The following NUP98 variants were observed in gnomAD, a reference collection of about 807,000 sequenced individuals.
The protein encoded by NUP98 is nuclear pore complex protein Nup98-Nup96.
A neutral mutation model predicts 191.9 loss-of-function variants in NUP98; 26 were observed. The observed-to-expected ratio is 0.14, with a 90% CI of 0.10 to 0.19. The LOEUF (loss-of-function observed/expected upper bound fraction) is 0.19. NUP98 is among the 10% of genes least tolerant of loss of function. NUP98 has a pLI of 1.00. For missense variants in NUP98, 1,941 were observed against 2,178.8 expected (o/e 0.89, Z 2.17); for synonymous variants, 808 against 778.4 (o/e 1.04, Z -0.63).
At chr11:3,754,153 G>A (rs1280661078) in intron 10 of NUP98, among the ~76,000 whole-genome samples, 8 of 152,280 alleles carry the variant, frequency 5.3e-5, no homozygotes, top group African/African-American at 1.7e-4. Context: ...AACTGGCCAG[G>A]TGTGGTGGCT....
intron 1 of NUP98, among the ~76,000 whole-genome samples, chr11:3,790,026 G>A (rs558161213): frequency 2.0e-5 from 3 of 152,164 alleles, no homozygotes; most frequent in African/African-American, 2.4e-5. Flanking sequence ...CTCGTGATCC[G>A]CCCACCTCAG....
rs758467022 is a variant in NUP98 at position 3,725,155 on chromosome 11, G to C, written c.1795C>G (p.Arg599Gly). 1.2e-6 allele frequency: 2 copies of C among 1,601,318 alleles called. No individual in the cohort carries two copies. Among genetic ancestry groups the C allele is most frequent in the South Asian group, 1.1e-5 (1 of 90,654 alleles). ...GGTGAAGCTAGATTTTCTGAATCACGATTAACAGGAGAAAAGAGATTGCTA... is the reference window on the plus strand; with the variant it reads ...GGTGAAGCTAGATTTTCTGAATCACCATTAACAGGAGAAAAGAGATTGCTA... Reference protein sequence around the residue: ...NNSNLFSPVNRDSENLASPSE... With the variant: ...NNSNLFSPVNGDSENLASPSE... Residue 599 changes from arginine to glycine, a missense_variant, in exon 15 of 33, where the codon CGT (arginine) becomes GGT (glycine). Physicochemically the swap from Arg to Gly is moderately radical, Grantham distance 125. This residue lies in a region of NUP98 where 453 missense variants were observed against 438.2 expected (regional missense o/e 1.03). Transcript: ENST00000324932.
At chr11:3,701,634 A>T (rs970873658) in intron 23 of NUP98, among the ~76,000 whole-genome samples, 45 of 151,970 alleles carry the variant, frequency 3.0e-4, no homozygotes, top group African/African-American at 1.0e-3. Flanking sequence ...GTTTAGGATC[A>T]GTATTCTTAA....
rs369460933 is a variant in NUP98 at position 3,782,451 on chromosome 11, T to G, written c.-28-306A>C. On this transcript the variant is annotated intron_variant, in intron 1 of 32. Transcript: ENST00000324932. ...TTTTTAACCTAAGTCCCCTTTTTAA[T>G]CAATAAATATTTCAGGTCTACAAGG... 4.5e-3 allele frequency among the ~76,000 whole-genome samples: 690 copies of G among 151,870 alleles called. 4 individuals are homozygous for G. The highest frequency in any genetic ancestry group is 0.016 in the African/African-American group (645 of 41,436).
At chr11:3,689,201 C>A (rs1482916446) in intron 28 of NUP98, among the ~76,000 whole-genome samples, 1 of 152,082 alleles carries the variant, frequency 6.6e-6, no homozygotes, top group Non-Finnish European at 1.5e-5. Context: ...CCACTGCACA[C>A]CAGCCCGGGT....
chr11:3,739,199 T>C (rs1262239696), intron 12 of NUP98, among the ~76,000 whole-genome samples: 1 of 152,170 alleles, frequency 6.6e-6, no homozygotes, highest in Non-Finnish European at 1.5e-5. Context: ...TACAATAATT[T>C]ATGCTACCAC....
At chr11:3,703,120 T>C (rs1332310321) in intron 22 of NUP98, among the ~76,000 whole-genome samples, 1 of 151,796 alleles carries the variant, frequency 6.6e-6, no homozygotes, top group African/African-American at 2.4e-5. Context: ...TCTACAACAA[T>C]AATAAAAGCA....
chr11:3,797,308 G>GA, intron 1 of NUP98, 92 bp downstream of exon 1: 1 of 398,454 alleles, frequency 2.5e-6, no homozygotes, highest in East Asian at 3.6e-5. Flanking sequence ...CTTCGAAGCG[G>GA]AGAGGCCCTG....
chr11:3,759,822 CTTCTATTATTT>C (rs1368723228), intron 10 of NUP98, among the ~76,000 whole-genome samples: 1 of 151,882 alleles, frequency 6.6e-6, no homozygotes, highest in Non-Finnish European at 1.5e-5. Context: ...TTTCAACTTT[CTTCTATTATTT>C]TTCTTATTTT....
At chr11:3,780,541 C>CAAAAAAAA (rs142060672) in intron 2 of NUP98, among the ~76,000 whole-genome samples, 3 of 74,794 alleles carry the variant, frequency 4.0e-5, no homozygotes, top group Admixed American at 1.9e-4. Flanking sequence ...GACTCCATCT[C>CAAAAAAAA]AAAAAAAAAA....
intron 10 of NUP98, among the ~76,000 whole-genome samples, chr11:3,756,276 T>C (rs1481253302): frequency 6.6e-6 from 1 of 152,212 alleles, no homozygotes; most frequent in Non-Finnish European, 1.5e-5. Context: ...TTACACTGTT[T>C]ATACCACACA....
chr11:3,776,794 A>G (rs892658569), intron 4 of NUP98, among the ~76,000 whole-genome samples: 1 of 62 alleles, frequency 0.016, no homozygotes, highest in Non-Finnish European at 0.033. Flanking sequence ...GCCCGGCCCA[A>G]ATAGAAATTC....
At chr11:3,727,555 T>C (rs1332997881) in intron 14 of NUP98, among the ~76,000 whole-genome samples, 8 of 150,874 alleles carry the variant, frequency 5.3e-5, no homozygotes, top group Admixed American at 2.6e-4. Flanking sequence ...GCAACTGGGG[T>C]TGGGGGTAGA....
chr11:3,679,918 T>C (rs900813108), intron 30 of NUP98: 6 of 583,616 alleles, frequency 1.0e-5, no homozygotes, highest in Non-Finnish European at 1.8e-5. Flanking sequence ...CACAAATTTT[T>C]TGGTTTTCCA....
At chr11:3,693,466 AG>A in intron 26 of NUP98, 91 bp from the exon 27 acceptor site, 1 of 1,267,162 alleles carries the variant, frequency 7.9e-7, no homozygotes, top group South Asian at 1.4e-5. Flanking sequence ...CACTTATTCA[AG>A]GAACATTTTA....
intron 25 of NUP98, among the ~76,000 whole-genome samples, chr11:3,697,820 TAAAAAAAAA>T (rs199874258): frequency 1.0e-5 from 1 of 97,156 alleles, no homozygotes; most frequent in Non-Finnish European, 1.9e-5. Flanking sequence ...GACTCTGTCT[TAAAAAAAAA>T]AAAAAAAAAA....
intron 31 of NUP98, 196 bp from the exon 32 acceptor site, chr11:3,676,816 T>C: frequency 1.4e-6 from 1 of 698,024 alleles, no homozygotes; most frequent in Non-Finnish European, 2.6e-6. Context: ...AAGAGGAAGG[T>C]AACACAGTTA....
chr11:3,791,533 CAA>C (rs71041395), intron 1 of NUP98, among the ~76,000 whole-genome samples: 11,280 of 66,954 alleles, frequency 0.17, 273 homozygotes, highest in Non-Finnish European at 0.2. Flanking sequence ...GACCTCGTCT[CAA>C]AAAAAAAAAA....
chr11:3,768,640 T>C lies in NUP98; in HGVS notation c.889A>G (p.Asn297Asp). Residue 297 changes from asparagine (N) to aspartate (D), a missense_variant, in exon 8 of 33, where the codon AAC (asparagine) becomes GAC (aspartate). Around this residue, in one of 6 missense-constraint regions of NUP98, gnomAD observed 181 missense variants for 228.0 expected, o/e 0.79. Coordinates refer to ENST00000324932, the MANE Select transcript of NUP98 (RefSeq NM_016320.5). ...KPFGQATTTQ[N>D]TGFSFGNTST... ...GTATTACCAAAGGAAAAGCCAGTGTTCTGGGTGGTTGTAGCCTGGCCAAAT... is the reference window on the plus strand; with the variant it reads ...GTATTACCAAAGGAAAAGCCAGTGTCCTGGGTGGTTGTAGCCTGGCCAAAT... 6.2e-7 allele frequency: 1 copy of C among 1,611,714 alleles called. No individual in the cohort carries two copies. The highest frequency in any genetic ancestry group is 8.5e-7 in the Non-Finnish European group (1 of 1,178,654).
Sources: allele counts gnomAD v4.1 joint callset (sites outside exome capture counted in the v4.1 genomes callset), GRCh38; gene constraint gnomAD v4.1.1; regional missense constraint gnomAD v4.1.1; transcripts MANE v1.5; gene names NCBI Gene and HGNC (gene_info 2026-07-23, HGNC 2026-07-21).